Variants in GABRG3 observed in about 807,000 individuals in gnomAD.
GABRG3 encodes gamma-aminobutyric acid type A receptor subunit gamma3.
A neutral mutation model predicts 48.8 loss-of-function variants in GABRG3; 25 were observed. The observed-to-expected ratio is 0.51, with a 90% confidence interval of 0.37 to 0.72. GABRG3 has a LOEUF of 0.72. Among genes scored for constraint, GABRG3 ranks in the 30% least tolerant of loss-of-function variants. The probability of loss-of-function intolerance (pLI) is 0.00; values close to 1 mark genes in which losing one functional copy is unlikely to be tolerated. For synonymous variants in GABRG3, 227 were observed against 217.6 expected, an observed-to-expected ratio of 1.04 and a Z score of -0.38; for missense variants, 394 against 577.9, an observed-to-expected ratio of 0.68 and a Z score of 3.26.
chr15:27,420,759 C>T (rs1299085521), intron 5 of GABRG3: 1 of 152,110 alleles, frequency 6.6e-6, no homozygotes, highest in Admixed American at 6.5e-5. Flanking sequence ...AGGCAGGATA[C>T]TTTGACTAAA....
intron 3 of GABRG3, among the ~76,000 whole-genome samples, chr15:27,047,513 T>TG (rs1202667878): frequency 6.6e-6 from 1 of 152,236 alleles, no homozygotes; most frequent in Non-Finnish European, 1.5e-5. Context: ...CTGTTGCATG[T>TG]GAAAAACTTC....
chr15:27,170,208 TC>T (rs1216543201), intron 3 of GABRG3, among the ~76,000 whole-genome samples: 1 of 152,172 alleles, frequency 6.6e-6, no homozygotes, highest in East Asian at 1.9e-4. Context: ...TGTTTGGCCA[TC>T]TAAAGCAAAA....
rs909703193 is a variant in GABRG3 at position 27,352,636 on chromosome 15, A to G, written c.574+23748A>G. Among the ~76,000 whole-genome samples the G allele has an allele frequency of 6.6e-5, 10 of 152,116 alleles. No homozygotes were observed. The highest frequency in any genetic ancestry group is 1.0e-4 in the Non-Finnish European group (7 of 68,012). Reference sequence around the variant, plus strand: ...CACACTGCCCCGGGGAGGCAGGCCAAGGAAGCCCCCTGCCAAGGCAGCAGC... The same window carrying G: ...CACACTGCCCCGGGGAGGCAGGCCAGGGAAGCCCCCTGCCAAGGCAGCAGC... On this transcript the variant is annotated intron_variant, in intron 5 of 9. Transcript: ENST00000615808. This position sits in a 1 kb window ranked among gnomAD's most constrained non-coding sequence, Gnocchi z 4.0.
chr15:27,163,042 G>C (rs983400739), intron 3 of GABRG3, among the ~76,000 whole-genome samples: 2 of 151,764 alleles, frequency 1.3e-5, no homozygotes, highest in Admixed American at 6.6e-5. Flanking sequence ...ACCTCTTCTT[G>C]CCCTCGCCAG....
rs36008927 is a variant in GABRG3, at chr15:27,458,690, C to CAA, written c.575-21950_575-21949dup. ...GCTCACTTTCTCCATATGCCTCTGA[C>CAA]AAAAAAAAAAATAACCAAAAGGAGA... On this transcript the variant is annotated intron_variant, in intron 5 of 9. Coordinates refer to ENST00000615808, the MANE Select transcript of GABRG3 (RefSeq NM_033223.5). Among the ~76,000 whole-genome samples, 1,367 of 145,638 alleles carry CAA rather than the reference C, an allele frequency of 9.4e-3. 13 individuals are homozygous for CAA. Among genetic ancestry groups the CAA allele is most frequent in the Middle Eastern group, 0.04 (11 of 274 alleles).
intron 3 of GABRG3, among the ~76,000 whole-genome samples, chr15:27,245,669 C>CAAAACCAGCCTGGCCAACATGGT (rs1275271147): frequency 9.4e-6 from 1 of 105,960 alleles, no homozygotes; most frequent in Non-Finnish European, 1.8e-5. Flanking sequence ...GTCAGGAGTT[C>CAAAACCAGCCTGGCCAACATGGT]GAAACCAGCC....
chr15:27,010,276 T>C (rs547684691), intron 2 of GABRG3, among the ~76,000 whole-genome samples: 1 of 152,328 alleles, frequency 6.6e-6, no homozygotes, highest in African/African-American at 2.4e-5. Context: ...CTAGGAATTT[T>C]GTCCTCTCTC....
chr15:27,436,995 T>TAGAGAGAGAGAGAGAGAGAGAGAGAG (rs10549691), intron 5 of GABRG3, among the ~76,000 whole-genome samples: 4 of 130,476 alleles, frequency 3.1e-5, no homozygotes, highest in African/African-American at 1.1e-4. Context: ...CTCCGAAAAA[T>TAGAGAGAGAGAGAGAGAGAGAGAGAG]AGAGAGAGAG....
chr15:27,085,865 A>C (rs1255259599), intron 3 of GABRG3, among the ~76,000 whole-genome samples: 1 of 152,178 alleles, frequency 6.6e-6, no homozygotes, highest in African/African-American at 2.4e-5. Flanking sequence ...TGTTCTGCAA[A>C]TCTACAATGA....
intron 5 of GABRG3, among the ~76,000 whole-genome samples, chr15:27,463,691 T>C (rs1889518063): frequency 1.3e-5 from 2 of 152,192 alleles, no homozygotes; most frequent in African/African-American, 4.8e-5. Context: ...CAGAAGTGTG[T>C]GCATTTCACA....
At chr15:27,073,954 G>A (rs529676929) in intron 3 of GABRG3, among the ~76,000 whole-genome samples, 24 of 152,338 alleles carry the variant, frequency 1.6e-4, no homozygotes, top group Middle Eastern at 3.4e-3. Context: ...ATTTACAAAA[G>A]AAAGAGGTTT....
chr15:27,013,036 A>G (rs954133711), intron 2 of GABRG3, among the ~76,000 whole-genome samples: 1 of 152,194 alleles, frequency 6.6e-6, no homozygotes, highest in African/African-American at 2.4e-5. Context: ...GGTGAAAGAA[A>G]TTTGAAATAA....
intron 3 of GABRG3, among the ~76,000 whole-genome samples, chr15:27,129,612 A>G (rs1897880547): frequency 6.6e-6 from 1 of 151,976 alleles, no homozygotes; most frequent in African/African-American, 2.4e-5. Flanking sequence ...GAACTCCCAT[A>G]CTGTTTTCCA....
chr15:27,036,211 C>G (rs141536603), intron 3 of GABRG3, among the ~76,000 whole-genome samples: 3 of 152,276 alleles, frequency 2.0e-5, no homozygotes, highest in African/African-American at 7.2e-5. Flanking sequence ...GGTGTGGCCA[C>G]CCCGTGAAGG....
At chr15:27,374,214 C>T (rs970617017) in intron 5 of GABRG3, among the ~76,000 whole-genome samples, 2 of 146,892 alleles carry the variant, frequency 1.4e-5, no homozygotes, top group African/African-American at 5.1e-5. Context: ...TCATTGCAGC[C>T]TTGACCTCCT....
At chr15:27,479,879 TG>T (rs1219694828) in intron 5 of GABRG3, among the ~76,000 whole-genome samples, 1 of 152,062 alleles carries the variant, frequency 6.6e-6, no homozygotes, top group Non-Finnish European at 1.5e-5. Flanking sequence ...AGAGAGGGGA[TG>T]GTGTTGTTCC....
At chr15:27,306,800 C>CAATATAAACATGTTTATATATAAACATAA (rs1892520888) in intron 3 of GABRG3, among the ~76,000 whole-genome samples, 3 of 72,754 alleles carry the variant, frequency 4.1e-5, no homozygotes, top group Admixed American at 1.5e-4. Flanking sequence ...TATAAACATA[C>CAATATAAACATGTTTATATATAAACATAA]AATATAAACA....
intron 2 of GABRG3, among the ~76,000 whole-genome samples, chr15:27,022,187 AG>A (rs2140678339): frequency 6.6e-6 from 1 of 152,288 alleles, no homozygotes; most frequent in African/African-American, 2.4e-5. Flanking sequence ...TGCTGTCATA[AG>A]TCTGGTTTTA....
At chr15:27,308,178 ATCCAAACATATATAAACAT>A (rs1255027430) in intron 3 of GABRG3, among the ~76,000 whole-genome samples, 9 of 83,950 alleles carry the variant, frequency 1.1e-4, no homozygotes, top group African/African-American at 3.9e-4. Flanking sequence ...ATGTTTATAT[ATCCAAACATATATAAACAT>A]GTTTATATAT....
Sources: allele counts gnomAD v4.1 joint callset (sites outside exome capture counted in the v4.1 genomes callset), GRCh38; gene constraint gnomAD v4.1.1; non-coding constraint Gnocchi (gnomAD v3.1); transcripts MANE v1.5; gene names NCBI Gene and HGNC (gene_info 2026-07-23, HGNC 2026-07-21).